The following DOCK4 variants were observed in gnomAD, a reference collection of about 807,000 sequenced individuals.
The protein encoded by DOCK4 is dedicator of cytokinesis protein 4.
A neutral mutation model predicts 268.1 loss-of-function variants in DOCK4; 97 were observed. The ratio of observed to expected loss-of-function variants is 0.36; its 90% CI spans 0.31 to 0.43. The LOEUF (loss-of-function observed/expected upper bound fraction) is 0.43, where lower values mean the gene tolerates loss of function less well. Among genes scored for constraint, DOCK4 ranks in the 20% least tolerant of loss-of-function variants. The pLI is 1.00. For synonymous variants in DOCK4, 954 were observed against 887.2 expected (o/e 1.08, Z -1.34); for missense variants, 2,145 against 2,455.7 (o/e 0.87, Z 2.67).
chr7:111,736,144 A>G (rs1303698966), intron 50 of DOCK4, among the ~76,000 whole-genome samples: 1 of 152,184 alleles, frequency 6.6e-6, no homozygotes, highest in African/African-American at 2.4e-5. Flanking sequence ...CTAATGTAGC[A>G]GTGTACCCAA....
intron 1 of DOCK4, among the ~76,000 whole-genome samples, chr7:112,113,368 G>C (rs1381716925): frequency 6.6e-6 from 1 of 152,156 alleles, no homozygotes; most frequent in Admixed American, 6.5e-5. Context: ...CAGTGGGCCA[G>C]AGAGGACTAA....
intron 44 of DOCK4, 83 bp downstream of exon 44, chr7:111,746,251 C>G (rs1318597653): frequency 9.0e-7 from 1 of 1,104,982 alleles, no homozygotes; most frequent in Non-Finnish European, 1.3e-6. Flanking sequence ...ACCACTGATG[C>G]AGGAAACCAT....
intron 23 of DOCK4, among the ~76,000 whole-genome samples, chr7:111,855,845 A>G (rs1008464153): frequency 2.0e-5 from 3 of 152,178 alleles, no homozygotes; most frequent in Non-Finnish European, 4.4e-5. Context: ...CCATCCTAAT[A>G]TATTTCTAAT....
At chr7:111,735,742 G>GCAGGAATAT (rs1795429255) in intron 50 of DOCK4, among the ~76,000 whole-genome samples, 1 of 152,180 alleles carries the variant, frequency 6.6e-6, no homozygotes, top group South Asian at 2.1e-4. Flanking sequence ...TCGATAAGAT[G>GCAGGAATAT]CAGGAATATG....
At chr7:111,853,402 G>A (rs1349768040) in intron 23 of DOCK4, among the ~76,000 whole-genome samples, 1 of 152,208 alleles carries the variant, frequency 6.6e-6, no homozygotes, top group Non-Finnish European at 1.5e-5. Context: ...TGGCAGCACA[G>A]CTTTGCATGT....
intron 1 of DOCK4, among the ~76,000 whole-genome samples, chr7:112,066,613 TAC>T (rs2135633804): frequency 7.1e-6 from 1 of 140,634 alleles, no homozygotes; most frequent in African/African-American, 2.7e-5. Context: ...TACACGTGTA[TAC>T]ATATATACGT....
intron 3 of DOCK4, among the ~76,000 whole-genome samples, chr7:111,999,647 C>T (rs1479549993): frequency 2.0e-5 from 3 of 151,714 alleles, no homozygotes; most frequent in Non-Finnish European, 4.4e-5. Flanking sequence ...TTTAGGATGA[C>T]CTAAAATACA....
chr7:111,915,633 G>T, intron 13 of DOCK4, 146 bp downstream of exon 13: 1 of 642,370 alleles, frequency 1.6e-6, no homozygotes, highest in Non-Finnish European at 2.4e-6. Flanking sequence ...AAAAAAATGT[G>T]CTTACTTACA....
At chr7:111,922,162 A>T (rs1243166273) in intron 12 of DOCK4, among the ~76,000 whole-genome samples, 1 of 152,218 alleles carries the variant, frequency 6.6e-6, no homozygotes, top group Non-Finnish European at 1.5e-5. Flanking sequence ...CAAATTCTGA[A>T]ATATCCTTTA....
intron 1 of DOCK4, among the ~76,000 whole-genome samples, chr7:112,012,294 A>G (rs1187123228): frequency 2.0e-5 from 3 of 152,148 alleles, no homozygotes; most frequent in Admixed American, 6.5e-5. Flanking sequence ...CAGGCTTAAG[A>G]ACCTCAAGAG....
chr7:112,180,726 T>C (rs907891496), intron 1 of DOCK4, among the ~76,000 whole-genome samples: 10 of 152,152 alleles, frequency 6.6e-5, no homozygotes, highest in African/African-American at 2.2e-4. Context: ...GTCCCCACAG[T>C]GCCAACAGCA....
intron 35 of DOCK4, among the ~76,000 whole-genome samples, chr7:111,782,554 C>T (rs1012368981): frequency 4.6e-5 from 7 of 152,080 alleles, no homozygotes; most frequent in Non-Finnish European, 1.0e-4. Flanking sequence ...AGGACAGCAA[C>T]AAGACTCTAG....
chr7:111,951,595 C>T (rs999303483), intron 8 of DOCK4, among the ~76,000 whole-genome samples: 13 of 150,862 alleles, frequency 8.6e-5, no homozygotes, highest in Non-Finnish European at 1.6e-4. Flanking sequence ...ATCACTTGAG[C>T]CCAAGAGTTC....
intron 1 of DOCK4, among the ~76,000 whole-genome samples, chr7:112,006,025 C>A (rs922303505): frequency 6.6e-6 from 1 of 152,188 alleles, no homozygotes; most frequent in Non-Finnish European, 1.5e-5. Context: ...CACTCGCCAG[C>A]CTTCTCCACA....
chr7:111,879,235 A>G (rs1286046597), intron 16 of DOCK4, among the ~76,000 whole-genome samples: 3 of 152,088 alleles, frequency 2.0e-5, no homozygotes, highest in African/African-American at 7.2e-5. Context: ...AAAGGGAGCC[A>G]ACTTCCTTGA....
rs1794661165 is a variant in DOCK4 at position 111,726,516 on chromosome 7, TAGTTCAAA to T, written c.*1750_*1757del. On this transcript the variant is annotated 3_prime_UTR_variant, in exon 53 of 53. Transcript: ENST00000428084. ...ACGAAGTGTTATCAAAAGCAAAAGC[TAGTTCAAA>T]AAATTTCTGACTGCAAAACTTGCAA... The T allele has an allele frequency of 6.6e-6, 1 of 152,436 alleles. No homozygotes were observed. The highest frequency in any genetic ancestry group is 2.4e-5 in the African/African-American group (1 of 41,458). The allele number at this position is 152,436 out of a possible 1,614,324, so 9.4% of individuals were successfully genotyped here. A position where few individuals can be genotyped will look rare whatever the true frequency, so the allele number is the denominator to read the frequency against.
intron 7 of DOCK4, among the ~76,000 whole-genome samples, chr7:111,983,997 C>T (rs577643037): frequency 1.9e-4 from 29 of 151,980 alleles, no homozygotes; most frequent in Non-Finnish European, 3.4e-4. Flanking sequence ...GATAAGTATG[C>T]GTGACTTGTA....
chr7:112,108,817 G>C (rs923832621), intron 1 of DOCK4, among the ~76,000 whole-genome samples: 1 of 152,196 alleles, frequency 6.6e-6, no homozygotes, highest in East Asian at 1.9e-4. Flanking sequence ...AAGAAACCTT[G>C]CAAATGGACA....
At chr7:112,015,838 G>C (rs2135385312) in intron 1 of DOCK4, among the ~76,000 whole-genome samples, 1 of 152,276 alleles carries the variant, frequency 6.6e-6, no homozygotes, top group East Asian at 1.9e-4. Flanking sequence ...TGTGCTAAGA[G>C]CCTTTCTGCT....
Sources: gnomAD v4.1 joint callset for allele counts (sites outside exome capture counted in the v4.1 genomes callset) on GRCh38, gnomAD v4.1.1 for gene constraint, MANE v1.5 for transcripts, NCBI Gene and HGNC (gene_info 2026-07-23, HGNC 2026-07-21) for gene names.